Variants in PCDH9 observed in about 807,000 individuals in gnomAD.
PCDH9 encodes the protein protocadherin-9.
Under a neutral mutation model 70.6 loss-of-function variants are expected in PCDH9, and 24 were observed. That is an observed-to-expected ratio of 0.34 (90% CI 0.25 to 0.48). The LOEUF is 0.48. Ranked by LOEUF, PCDH9 falls within the 20% of genes least tolerant of loss-of-function variation. The pLI is 0.99. For missense variants in PCDH9, 1,281 were observed against 1,503.6 expected, an observed-to-expected ratio of 0.85 and a Z score of 2.45; for synonymous variants, 562 against 558.5, an observed-to-expected ratio of 1.01 and a Z score of -0.09.
intron 4 of PCDH9, among the ~76,000 whole-genome samples, chr13:66,454,637 G>C (rs921885893): frequency 6.6e-6 from 1 of 152,118 alleles, no homozygotes; most frequent in Non-Finnish European, 1.5e-5. Flanking sequence ...ATCCATTCTC[G>C]TGGGAGAAGG....
chr13:66,552,159 C>T (rs996500779), intron 4 of PCDH9, among the ~76,000 whole-genome samples: 1 of 152,090 alleles, frequency 6.6e-6, no homozygotes, highest in Non-Finnish European at 1.5e-5. Context: ...TCTACTCTTA[C>T]ATAGTCTATG....
chr13:66,605,067 AT>A (rs2138855307), intron 4 of PCDH9, among the ~76,000 whole-genome samples: 1 of 152,180 alleles, frequency 6.6e-6, no homozygotes, highest in African/African-American at 2.4e-5. Context: ...GAAATTTTTT[AT>A]TTTAATACAG....
chr13:66,693,002 A>G (rs984081511), intron 3 of PCDH9, among the ~76,000 whole-genome samples: 6 of 152,130 alleles, frequency 3.9e-5, no homozygotes, highest in Admixed American at 2.0e-4. Flanking sequence ...TCTATTATCA[A>G]AACTCAAAAG....
chr13:66,917,479 T>C (rs1327277258), intron 2 of PCDH9, among the ~76,000 whole-genome samples: 3 of 151,462 alleles, frequency 2.0e-5, no homozygotes, highest in African/African-American at 7.3e-5. Context: ...GAAACACTAA[T>C]CACTACAGTC....
rs1398379943 is a variant in PCDH9, at chr13:66,738,192, C to A, written c.3139-106781G>T. ...CAAGTGGGTCCCTGACCCCTGACCC[C>A]CGAGCAGCCTAACTGGGAGGCACCC... On this transcript the variant is annotated intron_variant, in intron 3 of 4. Coordinates refer to ENST00000377865, the MANE Select transcript of PCDH9 (RefSeq NM_203487.3). Among the ~76,000 whole-genome samples the A allele has an allele frequency of 7.9e-5, 12 of 152,116 alleles. No homozygotes were observed. The South Asian group carries it at 1.9e-3, about 24-fold the overall frequency.
intron 4 of PCDH9, among the ~76,000 whole-genome samples, chr13:66,436,521 T>TA (rs963860928): frequency 1.6e-4 from 25 of 151,972 alleles, no homozygotes; most frequent in East Asian, 1.4e-3. Flanking sequence ...TATTTTTAGT[T>TA]AAAAAAAATA....
chr13:67,021,857 G>A (rs195153), intron 2 of PCDH9, among the ~76,000 whole-genome samples: 2,173 of 152,078 alleles, frequency 0.014, 50 homozygotes, highest in African/African-American at 0.05. Context: ...ACCATGCCTG[G>A]CGATAGTGTA....
rs528217695 is a variant in PCDH9, at chr13:66,538,695, C to T, written c.3340+92515G>A. Among the ~76,000 whole-genome samples the T allele has an allele frequency of 3.3e-5, 5 of 152,088 alleles. No homozygotes were observed. In the South Asian group the frequency reaches 1.0e-3, roughly 32 times the overall value. ...CACTCAAATTATGGAGAGTGATCTG[C>T]ATTACCTAAAATCTACTAATTGAAA... On this transcript the variant is annotated intron_variant, in intron 4 of 4. Coordinates refer to ENST00000377865, the MANE Select transcript of PCDH9 (RefSeq NM_203487.3).
rs938763154 is a variant in PCDH9, at chr13:66,333,515, T to C, written c.3341-28487A>G. On this transcript the variant is annotated intron_variant, in intron 4 of 4. Transcript: ENST00000377865. ...AAGGACCAGCTACCTCTGTGAAGGA[T>C]AAAAATTACTTTAGATAGAAATTTT... Among the ~76,000 whole-genome samples the C allele has an allele frequency of 9.6e-4, 146 of 152,164 alleles. 11 individuals carry two copies. Among genetic ancestry groups the C allele is most frequent in the Non-Finnish European group, 7.4e-5 (5 of 68,014 alleles).
chr13:67,142,123 C>G (rs539631690), intron 2 of PCDH9, among the ~76,000 whole-genome samples: 5 of 152,062 alleles, frequency 3.3e-5, no homozygotes, highest in Non-Finnish European at 7.4e-5. Flanking sequence ...ATGGAAATAT[C>G]AGAATATGCT....
At chr13:66,965,923 A>G (rs1036581980) in intron 2 of PCDH9, among the ~76,000 whole-genome samples, 1 of 152,104 alleles carries the variant, frequency 6.6e-6, no homozygotes, top group African/African-American at 2.4e-5. Flanking sequence ...GTCATATATT[A>G]AGAGAAAAAG....
intron 3 of PCDH9, among the ~76,000 whole-genome samples, chr13:66,763,445 C>T (rs1292119300): frequency 6.6e-6 from 1 of 151,840 alleles, no homozygotes; most frequent in Non-Finnish European, 1.5e-5. Flanking sequence ...TCCACTAGGG[C>T]CAATAGAAAT....
At position 66,979,768 on chromosome 13, in the gene PCDH9, C is replaced by G. The variant is rs1364240163; in HGVS notation, c.3037-76163G>C. Among the ~76,000 whole-genome samples the G allele has an allele frequency of 5.3e-5, 8 of 152,148 alleles. 1 individual carries two copies. The highest frequency in any genetic ancestry group is 4.6e-4 in the Admixed American group (7 of 15,270). On this transcript the variant is annotated intron_variant, in intron 2 of 4. Transcript: ENST00000377865. ...CCAATAACCTCTGTGTCTGTCAAAT[C>G]ACAAACACTTTTCTGTGCTCATTTT...
chr13:66,422,167 T>C (rs1957579118), intron 4 of PCDH9, among the ~76,000 whole-genome samples: 1 of 152,132 alleles, frequency 6.6e-6, no homozygotes, highest in African/African-American at 2.4e-5. Context: ...AGCAAGTTCT[T>C]AGAGACTTAC....
intron 4 of PCDH9, among the ~76,000 whole-genome samples, chr13:66,624,964 A>AGAGC (rs66931357): frequency 6.2e-3 from 1 of 162 alleles, no homozygotes; most frequent in African/African-American, 7.1e-3. Flanking sequence ...GTAAAAAAAT[A>AGAGC]GCCTAATGTA....
intron 2 of PCDH9, chr13:67,216,707 T>TATATAC (rs60614034): frequency 1.7e-5 from 2 of 119,266 alleles, no homozygotes; most frequent in African/African-American, 5.8e-5. Flanking sequence ...TATATATATA[T>TATATAC]GGATATATAT....
At chr13:66,779,849 C>CTA (rs1185055569) in intron 3 of PCDH9, among the ~76,000 whole-genome samples, 1,420 of 78,858 alleles carry the variant, frequency 0.018, 21 homozygotes, top group African/African-American at 0.035. Flanking sequence ...CTCTCTCTCT[C>CTA]TATATATATA....
At chr13:66,759,168 T>C (rs1451728182) in intron 3 of PCDH9, among the ~76,000 whole-genome samples, 1 of 152,094 alleles carries the variant, frequency 6.6e-6, no homozygotes, top group Non-Finnish European at 1.5e-5. Flanking sequence ...GTAGCTGCTC[T>C]GAAGTTGGGT....
intron 2 of PCDH9, among the ~76,000 whole-genome samples, chr13:67,089,315 T>C (rs1449938258): frequency 6.6e-6 from 1 of 152,070 alleles, no homozygotes; most frequent in Non-Finnish European, 1.5e-5. Flanking sequence ...ATAAGTTATC[T>C]GCTTATTAAT....
Sources: allele counts gnomAD v4.1 joint callset (sites outside exome capture counted in the v4.1 genomes callset), GRCh38; gene constraint gnomAD v4.1.1; transcripts MANE v1.5; gene names NCBI Gene and HGNC (gene_info 2026-07-23, HGNC 2026-07-21).